Variants in BACH2 observed in about 807,000 individuals in gnomAD.
BACH2 encodes BACH transcriptional regulator 2.
Under a neutral mutation model 61.8 loss-of-function variants are expected in BACH2, and 5 were observed. The ratio of observed to expected loss-of-function variants is 0.08; its 90% CI spans 0.04 to 0.17. The LOEUF is 0.17. Ranked by LOEUF, BACH2 falls within the 10% of genes least tolerant of loss-of-function variation. The pLI is 1.00. For synonymous variants in BACH2, 446 were observed against 440.1 expected (o/e 1.01, Z -0.17); for missense variants, 824 against 1,091.1 (o/e 0.76, Z 3.45).
intron 5 of BACH2, among the ~76,000 whole-genome samples, chr6:90,060,436 T>C (rs1780624760): frequency 6.6e-6 from 1 of 152,192 alleles, no homozygotes; most frequent in Non-Finnish European, 1.5e-5. Flanking sequence ...ATCCACTAAA[T>C]TTTTTGATAA....
At chr6:90,235,213 T>C (rs574065360) in intron 3 of BACH2, among the ~76,000 whole-genome samples, 4 of 152,278 alleles carry the variant, frequency 2.6e-5, no homozygotes, top group South Asian at 2.1e-4. Flanking sequence ...GTTGCATTCA[T>C]AGAAAGGAAG....
In BACH2 at chr6:89,976,642, C is replaced by T. The variant is rs368817667; in HGVS notation, c.244-24780G>A. Among the ~76,000 whole-genome samples the T allele has an allele frequency of 1.6e-4, 25 of 152,270 alleles. 2 individuals carry two copies. The highest frequency in any genetic ancestry group is 6.5e-4 in the Admixed American group (10 of 15,294). ...ATTATGGGTCACGTACCCACTAAAA[C>T]GAAACAATCACACTTTATGTCTCTA... On this transcript the variant is annotated intron_variant, in intron 6 of 8. Coordinates refer to ENST00000257749, the MANE Select transcript of BACH2 (RefSeq NM_021813.4).
At chr6:89,970,752 A>G (rs1323244455) in intron 6 of BACH2, among the ~76,000 whole-genome samples, 2 of 152,118 alleles carry the variant, frequency 1.3e-5, no homozygotes, top group African/African-American at 2.4e-5. Context: ...TTCTTTGTTC[A>G]TATGCCCAGG....
At chr6:90,230,852 C>T (rs537916739) in intron 3 of BACH2, among the ~76,000 whole-genome samples, 1 of 152,322 alleles carries the variant, frequency 6.6e-6, no homozygotes, top group East Asian at 1.9e-4. Context: ...AGTGGCAGAA[C>T]TGGGATCAGA....
chr6:90,054,626 T>C lies in BACH2; in HGVS notation c.-13+34335A>G, dbSNP rs1196163525. ...TCTCTGACAGCTTTGAAGAGAGTAG[T>C]GGTTCTCCCAGCACACAGCTTGAGA... On this transcript the variant is annotated intron_variant, in intron 5 of 8. Coordinates refer to ENST00000257749, the MANE Select transcript of BACH2 (RefSeq NM_021813.4). Among the ~76,000 whole-genome samples the C allele has an allele frequency of 2.0e-5, 3 of 152,320 alleles. No individual in the cohort carries two copies. The East Asian group carries it at 5.8e-4, about 29-fold the overall frequency.
intron 5 of BACH2, among the ~76,000 whole-genome samples, chr6:90,029,271 GAA>G (rs1778816621): frequency 2.6e-5 from 4 of 152,158 alleles, no homozygotes; most frequent in Admixed American, 6.5e-5. Flanking sequence ...GCCATTCCAA[GAA>G]CGAGGGGACT....
chr6:90,066,364 G>C (rs913943275), intron 5 of BACH2, among the ~76,000 whole-genome samples: 2 of 152,220 alleles, frequency 1.3e-5, no homozygotes, highest in Non-Finnish European at 2.9e-5. Context: ...GGGTCATGGG[G>C]TGGGGGTGAT....
intron 4 of BACH2, among the ~76,000 whole-genome samples, chr6:90,143,442 G>T (rs1784526811): frequency 6.6e-6 from 1 of 152,020 alleles, no homozygotes; most frequent in Non-Finnish European, 1.5e-5. Context: ...CTCATCTGTG[G>T]AATAAGGAAA....
chr6:90,099,375 T>C, intron 4 of BACH2, among the ~76,000 whole-genome samples: 1 of 146,738 alleles, frequency 6.8e-6, no homozygotes, highest in East Asian at 1.9e-4. Flanking sequence ...AAAGCCAACA[T>C]ATGCTTTTGT....
chr6:90,176,053 T>TCTGCCTC (rs1767973780), intron 4 of BACH2, among the ~76,000 whole-genome samples: 1 of 152,222 alleles, frequency 6.6e-6, no homozygotes, highest in Non-Finnish European at 1.5e-5. Context: ...GCTCCTGCCT[T>TCTGCCTC]CTGCCTCCTG....
At chr6:90,154,924 G>A (rs1784944262) in intron 4 of BACH2, among the ~76,000 whole-genome samples, 1 of 152,158 alleles carries the variant, frequency 6.6e-6, no homozygotes, top group Non-Finnish European at 1.5e-5. Flanking sequence ...AAGGCAGACT[G>A]CGGAAAAGGG....
Position 89,950,735 on chromosome 6 carries a change from G to A in BACH2, c.1371C>T (p.Asp457=). The change falls in exon 7 of 9, where the codon GAC becomes GAT. Residue 457 remains aspartate, a synonymous_variant. Transcript: ENST00000257749. This position sits in a 1 kb window ranked among gnomAD's most constrained non-coding sequence, Gnocchi z 5.3. ...GACCCTTTGGCACCGGCTCAGAGAG[G>A]TCTTTGTCCAAACTGCTCACCCCAG... ...SYSGVSSLDK[D]LSEPVPKGLW... is the part of the protein sequence containing the mutation. 6.2e-7 allele frequency: 1 copy of A among 1,614,180 alleles called. No homozygotes were observed. Among genetic ancestry groups the A allele is most frequent in the Non-Finnish European group, 8.5e-7 (1 of 1,180,022 alleles).
At chr6:89,957,697 T>A (rs895141497) in intron 6 of BACH2, among the ~76,000 whole-genome samples, 6 of 152,120 alleles carry the variant, frequency 3.9e-5, no homozygotes, top group East Asian at 1.9e-4. Context: ...TATACCACTA[T>A]GCCCAGCTAA....
In BACH2 at chr6:90,058,765, C is replaced by G. The variant is rs186477186; in HGVS notation, c.-13+30196G>C. ...TAACCAAAACAGCATGGTACTGGTA[C>G]CAAGACAGACATATAGATCAATGGA... On this transcript the variant is annotated intron_variant, in intron 5 of 8. Transcript: ENST00000257749. Among the ~76,000 whole-genome samples, 4 of 152,224 alleles carry G rather than the reference C, an allele frequency of 2.6e-5. No homozygotes were observed. The Middle Eastern group carries it at 0.01, about 388-fold the overall frequency.
In BACH2 at chr6:90,082,973, G is replaced by T. The variant is rs539415806; in HGVS notation, c.-13+5988C>A. ...GCACCGCAAGGACTCTAAAAATCTT[G>T]CTATCCTGCAAAGCTTTGTAAATAC... On this transcript the variant is annotated intron_variant, in intron 5 of 8. Coordinates refer to ENST00000257749, the MANE Select transcript of BACH2 (RefSeq NM_021813.4). Among the ~76,000 whole-genome samples the T allele has an allele frequency of 2.0e-5, 3 of 152,256 alleles. No individual in the cohort carries two copies. In the East Asian group the frequency reaches 5.8e-4, roughly 29 times the overall value.
At chr6:89,960,757 G>A (rs1774696304) in intron 6 of BACH2, among the ~76,000 whole-genome samples, 1 of 152,200 alleles carries the variant, frequency 6.6e-6, no homozygotes, top group South Asian at 2.1e-4. Flanking sequence ...TGCCCTTCTG[G>A]CGGGGTGCCA....
At chr6:89,945,633 G>A (rs1773675861) in intron 7 of BACH2, among the ~76,000 whole-genome samples, 1 of 152,104 alleles carries the variant, frequency 6.6e-6, no homozygotes, top group Non-Finnish European at 1.5e-5. Flanking sequence ...TAGTGGTGAT[G>A]GTTGTACAAC....
chr6:90,016,931 C>T (rs1208633884), intron 5 of BACH2, among the ~76,000 whole-genome samples: 1 of 151,856 alleles, frequency 6.6e-6, no homozygotes, highest in Non-Finnish European at 1.5e-5. Context: ...CTTTTCTTCT[C>T]CTCTGTTGCC....
At chr6:90,215,560 C>A (rs930222503) in intron 3 of BACH2, among the ~76,000 whole-genome samples, 5 of 151,902 alleles carry the variant, frequency 3.3e-5, no homozygotes, top group African/African-American at 1.2e-4. Flanking sequence ...GGTGGGTGGT[C>A]AGAAGTAGGC....
Sources: gnomAD v4.1 joint callset for allele counts (sites outside exome capture counted in the v4.1 genomes callset) on GRCh38, gnomAD v4.1.1 for gene constraint, Gnocchi (gnomAD v3.1) non-coding constraint, MANE v1.5 for transcripts, NCBI Gene and HGNC (gene_info 2026-07-23, HGNC 2026-07-21) for gene names.